The following FARP1 variants were observed in gnomAD, a reference collection of about 807,000 sequenced individuals.
FARP1 encodes the protein FERM, ARHGEF and pleckstrin domain-containing protein 1.
A neutral mutation model predicts 128.8 loss-of-function variants in FARP1; 52 were observed. The observed-to-expected ratio is 0.40, with a 90% confidence interval of 0.32 to 0.51. The LOEUF is 0.51. Among genes scored for constraint, FARP1 ranks in the 20% least tolerant of loss-of-function variants. The pLI is 0.45. For synonymous variants in FARP1, 580 were observed against 551.8 expected, an observed-to-expected ratio of 1.05 and a Z score of -0.72; for missense variants, 1,333 against 1,367.9, an observed-to-expected ratio of 0.97 and a Z score of 0.40.
At chr13:98,256,945 G>GT in intron 2 of FARP1, among the ~76,000 whole-genome samples, 1 of 55,496 alleles carries the variant, frequency 1.8e-5, no homozygotes, top group Non-Finnish European at 3.2e-5. Flanking sequence ...AAGTATATAT[G>GT]TGGATATATA....
At chr13:98,270,714 C>G (rs9517238) in intron 2 of FARP1, among the ~76,000 whole-genome samples, 4,392 of 152,278 alleles carry the variant, frequency 0.029, 75 homozygotes, top group South Asian at 0.089. Flanking sequence ...TCATCCTGCA[C>G]ATGGCTAACT....
At chr13:98,407,224 A>G (rs895730073) in intron 13 of FARP1, 3 of 152,696 alleles carry the variant, frequency 2.0e-5, no homozygotes, top group African/African-American at 7.2e-5. Flanking sequence ...CGGTGGACAA[A>G]TAAAAAACAA....
At chr13:98,446,562 G>T in intron 25 of FARP1, 104 bp from the exon 26 acceptor site, 2 of 1,230,506 alleles carry the variant, frequency 1.6e-6, no homozygotes, top group Non-Finnish European at 2.3e-6. Flanking sequence ...CCCGAGGAGG[G>T]AGCTGCCTGG....
chr13:98,327,725 C>T lies in FARP1; in HGVS notation c.172-16037C>T, dbSNP rs192867538. ...GACCTGATTGCTGTCACTCTGGACACGTTTCTGTTGTCAGCTGAAGGATGA... is the reference window on the plus strand; with the variant it reads ...GACCTGATTGCTGTCACTCTGGACATGTTTCTGTTGTCAGCTGAAGGATGA... On this transcript the variant is annotated intron_variant, in intron 2 of 26. Transcript: ENST00000319562. Among the ~76,000 whole-genome samples, 320 of 152,272 alleles carry T rather than the reference C, an allele frequency of 2.1e-3. 2 individuals carry two copies. The highest frequency in any genetic ancestry group is 3.8e-3 in the Non-Finnish European group (260 of 68,036).
At chr13:98,347,329 A>G (rs1402359281) in intron 3 of FARP1, among the ~76,000 whole-genome samples, 1 of 152,204 alleles carries the variant, frequency 6.6e-6, no homozygotes, top group African/African-American at 2.4e-5. Flanking sequence ...AGTGTTAACT[A>G]CATGTACTTT....
chr13:98,418,270 GT>G (rs1566305862), intron 16 of FARP1, among the ~76,000 whole-genome samples: 1 of 143,824 alleles, frequency 7.0e-6, no homozygotes, highest in Non-Finnish European at 1.5e-5. Flanking sequence ...GTTTTGTTTT[GT>G]TTTGTTTTTT....
At chr13:98,313,209 C>A in intron 2 of FARP1, among the ~76,000 whole-genome samples, 1 of 145,330 alleles carries the variant, frequency 6.9e-6, no homozygotes, top group Non-Finnish European at 1.5e-5. Flanking sequence ...AATACACACA[C>A]ACACATACAC....
intron 4 of FARP1, 63 bp downstream of exon 4, chr13:98,365,500 G>T: frequency 8.2e-7 from 1 of 1,222,660 alleles, no homozygotes; most frequent in South Asian, 1.3e-5. Flanking sequence ...TTCATGTCTA[G>T]ACATCTCTTG....
chr13:98,394,717 T>C (rs1367948734), intron 12 of FARP1, among the ~76,000 whole-genome samples: 1 of 152,168 alleles, frequency 6.6e-6, no homozygotes, highest in African/African-American at 2.4e-5. Context: ...GGAGGATTGC[T>C]TGACCCCAGG....
chr13:98,200,329 C>T (rs1879847965), intron 1 of FARP1, among the ~76,000 whole-genome samples: 1 of 151,412 alleles, frequency 6.6e-6, no homozygotes, highest in Non-Finnish European at 1.5e-5. Flanking sequence ...AGAAGTGGAG[C>T]AGGAGCAGTG....
At position 98,258,075 on chromosome 13, in the gene FARP1, G is replaced by T. The variant is rs559580223; in HGVS notation, c.171+44662G>T. Among the ~76,000 whole-genome samples the T allele has an allele frequency of 5.3e-4, 81 of 152,088 alleles. 1 individual carries two copies. The highest frequency in any genetic ancestry group is 2.0e-3 in the African/African-American group (81 of 41,506). On this transcript the variant is annotated intron_variant, in intron 2 of 26. Coordinates refer to ENST00000319562, the MANE Select transcript of FARP1 (RefSeq NM_005766.4). ...TGCAAGCTCTGCCTCCTGGGTTCAC[G>T]CCATTCTCCTGCCTCAGCCTCCCGA...
intron 1 of FARP1, among the ~76,000 whole-genome samples, chr13:98,145,918 G>GT (rs1214451411): frequency 1.5e-4 from 22 of 150,156 alleles, no homozygotes; most frequent in Non-Finnish European, 2.8e-4. Flanking sequence ...GTTTTGTTTT[G>GT]TTTTTTGGTT....
intron 16 of FARP1, among the ~76,000 whole-genome samples, chr13:98,416,758 C>T (rs548230009): frequency 6.6e-6 from 1 of 152,158 alleles, no homozygotes; most frequent in South Asian, 2.1e-4. Flanking sequence ...CAGCTGGGTT[C>T]CCCGAGACAG....
intron 19 of FARP1, among the ~76,000 whole-genome samples, chr13:98,438,268 A>C (rs1173948445): frequency 2.0e-5 from 3 of 152,070 alleles, no homozygotes; most frequent in Non-Finnish European, 4.4e-5. Context: ...CAGGGTTTTC[A>C]ATCATGGAGA....
In FARP1 at chr13:98,439,614, C is replaced by A. The variant is rs372552641; in HGVS notation, c.2434-347C>A. Among the ~76,000 whole-genome samples the A allele has an allele frequency of 6.0e-3, 919 of 152,282 alleles. 39 individuals are homozygous for A. The South Asian group carries it at 0.12, about 20-fold the overall frequency. On this transcript the variant is annotated intron_variant, in intron 21 of 26. Transcript: ENST00000319562. ...GGAGCTGGGCCAGCCACCTCGTCCT[C>A]CCCCGAGTTGGTTTGGGGCTGCCTC...
chr13:98,200,832 A>G (rs1879892419), intron 1 of FARP1, among the ~76,000 whole-genome samples: 1 of 152,198 alleles, frequency 6.6e-6, no homozygotes, highest in Non-Finnish European at 1.5e-5. Flanking sequence ...GTGAGGTGAC[A>G]CTGGGACTGG....
At chr13:98,243,761 T>C (rs1202952888) in intron 2 of FARP1, among the ~76,000 whole-genome samples, 2 of 151,946 alleles carry the variant, frequency 1.3e-5, no homozygotes, top group Non-Finnish European at 2.9e-5. Context: ...TAATCACCCT[T>C]TTTTTCCAGC....
intron 3 of FARP1, among the ~76,000 whole-genome samples, chr13:98,362,083 G>A (rs1888896714): frequency 6.6e-6 from 1 of 152,154 alleles, no homozygotes; most frequent in Admixed American, 6.5e-5. Flanking sequence ...GGGCAACATG[G>A]CGAAACACTG....
intron 2 of FARP1, among the ~76,000 whole-genome samples, chr13:98,273,370 G>A (rs761322367): frequency 3.9e-5 from 6 of 152,162 alleles, no homozygotes; most frequent in Non-Finnish European, 8.8e-5. Context: ...CAAAGAGTCT[G>A]TTTTGCGAAT....
Sources: gnomAD v4.1 joint callset for allele counts (sites outside exome capture counted in the v4.1 genomes callset) on GRCh38, gnomAD v4.1.1 for gene constraint, MANE v1.5 for transcripts, NCBI Gene and HGNC (gene_info 2026-07-23, HGNC 2026-07-21) for gene names.